Variants in ROBO1 observed in about 807,000 individuals in gnomAD.
The protein encoded by ROBO1 is roundabout guidance receptor 1, also known as roundabout homolog 1.
A neutral mutation model predicts 195.9 loss-of-function variants in ROBO1; 149 were observed. That is an observed-to-expected ratio of 0.76 (90% CI 0.67 to 0.87). The LOEUF is 0.87. Among genes scored for constraint, ROBO1 ranks in the 40% least tolerant of loss-of-function variants. The pLI, the probability that ROBO1 is intolerant of heterozygous loss-of-function variation, is 0.00. For missense variants in ROBO1, 1,933 were observed against 2,068.3 expected (o/e 0.93, Z 1.27); for synonymous variants, 816 against 733.2 (o/e 1.11, Z -1.82).
intron 1 of ROBO1, among the ~76,000 whole-genome samples, chr3:79,593,379 T>C (rs1944065328): frequency 6.6e-6 from 1 of 152,184 alleles, no homozygotes; most frequent in South Asian, 2.1e-4. Context: ...CTGCTAGTAA[T>C]GGGTAAGATT....
intron 4 of ROBO1, among the ~76,000 whole-genome samples, chr3:78,934,582 A>C (rs547761449): frequency 1.3e-5 from 2 of 151,964 alleles, no homozygotes; most frequent in Non-Finnish European, 2.9e-5. Flanking sequence ...ATATATTTAT[A>C]TATGGCTTTT....
chr3:78,925,189 T>C (rs2039142362), intron 4 of ROBO1, among the ~76,000 whole-genome samples: 1 of 152,172 alleles, frequency 6.6e-6, no homozygotes, highest in African/African-American at 2.4e-5. Context: ...TTTCTAGTGA[T>C]GTCCATCAAT....
Position 78,738,266 on chromosome 3 carries a change from G to C in ROBO1, c.657+8477C>G, listed in dbSNP as rs532677280. On this transcript the variant is annotated intron_variant, in intron 5 of 30. Coordinates refer to ENST00000464233, the MANE Select transcript of ROBO1 (RefSeq NM_002941.4). ...TTTACCAAAATATCACACCAACAATGGAAATCAAAGAAACCTACAAAGACA... is the reference window on the plus strand; with the variant it reads ...TTTACCAAAATATCACACCAACAATCGAAATCAAAGAAACCTACAAAGACA... Among the ~76,000 whole-genome samples the C allele has an allele frequency of 2.6e-4, 39 of 152,058 alleles. 1 individual carries two copies. In the Middle Eastern group the frequency reaches 0.02, roughly 80 times the overall value.
intron 4 of ROBO1, among the ~76,000 whole-genome samples, chr3:78,833,810 G>T (rs1289017819): frequency 3.9e-5 from 6 of 152,102 alleles, no homozygotes. Flanking sequence ...AGAACTGAGG[G>T]GTGAGGGAAG....
chr3:79,691,881 G>A (rs1373981165), intron 1 of ROBO1, among the ~76,000 whole-genome samples: 5 of 151,822 alleles, frequency 3.3e-5, no homozygotes, highest in Non-Finnish European at 7.4e-5. Context: ...TGATTCATGT[G>A]TTCTTTTGAT....
At chr3:78,932,599 A>G (rs2039590324) in intron 4 of ROBO1, among the ~76,000 whole-genome samples, 1 of 152,172 alleles carries the variant, frequency 6.6e-6, no homozygotes, top group African/African-American at 2.4e-5. Flanking sequence ...ATAGCTGACT[A>G]TGTATTCCAA....
intron 14 of ROBO1, among the ~76,000 whole-genome samples, chr3:78,667,055 T>C (rs1707779164): frequency 6.6e-6 from 1 of 152,118 alleles, no homozygotes; most frequent in Non-Finnish European, 1.5e-5. Context: ...ATAAAAGGTA[T>C]CCAGATATCT....
At chr3:79,308,575 G>A (rs2033333827) in intron 2 of ROBO1, among the ~76,000 whole-genome samples, 1 of 152,110 alleles carries the variant, frequency 6.6e-6, no homozygotes, top group Non-Finnish European at 1.5e-5. Context: ...CTCATGGAGA[G>A]AAATGCATGG....
At chr3:78,658,011 A>G (rs1466722166) in intron 17 of ROBO1, among the ~76,000 whole-genome samples, 1 of 152,198 alleles carries the variant, frequency 6.6e-6, no homozygotes, top group Non-Finnish European at 1.5e-5. Context: ...CACAGCATAC[A>G]TGAGAACATA....
At chr3:79,273,417 T>C (rs2108978537) in intron 2 of ROBO1, among the ~76,000 whole-genome samples, 1 of 152,218 alleles carries the variant, frequency 6.6e-6, no homozygotes, top group South Asian at 2.1e-4. Flanking sequence ...ACTTTGTTCA[T>C]GCAATAAATG....
chr3:78,697,711 T>A (rs2081332244), intron 8 of ROBO1, among the ~76,000 whole-genome samples: 1 of 152,176 alleles, frequency 6.6e-6, no homozygotes, highest in South Asian at 2.1e-4. Context: ...AGAAATTGAA[T>A]CTTAAAGTGC....
Position 78,659,661 on chromosome 3 carries a change from A to ATATG in ROBO1, c.2442+24_2442+25insCATA, listed in dbSNP as rs67851307. 2.4e-4 allele frequency: 277 copies of ATATG among 1,150,916 alleles called. 1 individual carries two copies. The Middle Eastern group carries it at 3.1e-3, about 13-fold the overall frequency. 71.3% of individuals were successfully genotyped at this position (1,150,916 alleles called of 1,614,324 possible). A position where few individuals can be genotyped will look rare whatever the true frequency, so the allele number is the denominator to read the frequency against. ...GTGGGGGCTGCCCATCAGGACATTA[A>ATATG]TATATATATATATTATACTCATACC... On this transcript the variant is annotated intron_variant, in intron 17 of 30. Transcript: ENST00000464233.
At chr3:78,907,311 CAACCACCTCTGAAAATACTATGAATG>C (rs2037984037) in intron 4 of ROBO1, among the ~76,000 whole-genome samples, 1 of 151,676 alleles carries the variant, frequency 6.6e-6, no homozygotes, top group East Asian at 1.9e-4. Flanking sequence ...ACAAAAAAAA[CAACCACCTCTGAAAATACTATGAATG>C]AATCTAGCAC....
chr3:79,748,103 A>G (rs555202751), intron 1 of ROBO1, among the ~76,000 whole-genome samples: 2 of 152,254 alleles, frequency 1.3e-5, no homozygotes, highest in South Asian at 2.1e-4. Flanking sequence ...CCAATTTTCT[A>G]GAAAATTTTC....
intron 2 of ROBO1, among the ~76,000 whole-genome samples, chr3:79,451,910 G>A (rs73129030): frequency 0.071 from 10,716 of 150,890 alleles, 416 homozygotes; most frequent in East Asian, 0.14. Context: ...TGTTAGGTCC[G>A]TCCAGAAAAA....
intron 4 of ROBO1, among the ~76,000 whole-genome samples, chr3:78,860,322 A>AT (rs1459743709): frequency 0.013 from 962 of 73,840 alleles, 12 homozygotes; most frequent in African/African-American, 0.05. Flanking sequence ...ATATATATAT[A>AT]TATATTTTTT....
intron 2 of ROBO1, among the ~76,000 whole-genome samples, chr3:79,441,164 T>C (rs1335361539): frequency 1.3e-5 from 2 of 152,132 alleles, no homozygotes; most frequent in Non-Finnish European, 2.9e-5. Flanking sequence ...ATTTAGAGTA[T>C]ATTACATTTA....
chr3:79,256,255 G>C (rs1247133223), intron 2 of ROBO1, among the ~76,000 whole-genome samples: 1 of 152,016 alleles, frequency 6.6e-6, no homozygotes, highest in Non-Finnish European at 1.5e-5. Context: ...CTCTTCTTTG[G>C]TTCTAATTCG....
chr3:79,321,907 G>A (rs1352246952), intron 2 of ROBO1, among the ~76,000 whole-genome samples: 2 of 152,118 alleles, frequency 1.3e-5, no homozygotes, highest in Non-Finnish European at 2.9e-5. Flanking sequence ...GAGGTAAGTA[G>A]TTTCAAATTT....
Sources: gnomAD v4.1 joint callset for allele counts (sites outside exome capture counted in the v4.1 genomes callset) on GRCh38, gnomAD v4.1.1 for gene constraint, MANE v1.5 for transcripts, NCBI Gene and HGNC (gene_info 2026-07-23, HGNC 2026-07-21) for gene names.